Variants in CADPS2 observed in about 807,000 individuals in gnomAD.
CADPS2 encodes calcium-dependent secretion activator 2.
CADPS2 carries 93 observed loss-of-function variants against 172.5 expected under a neutral mutation model. The ratio of observed to expected loss-of-function variants is 0.54; its 90% confidence interval spans 0.46 to 0.64. The LOEUF is 0.64. Among genes scored for constraint, CADPS2 ranks in the 30% least tolerant of loss-of-function variants. CADPS2 has a pLI of 0.00. For missense variants in CADPS2, 1,420 were observed against 1,565.9 expected, an observed-to-expected ratio of 0.91 and a Z score of 1.57; for synonymous variants, 546 against 555.2, an observed-to-expected ratio of 0.98 and a Z score of 0.23.
At chr7:122,882,092 G>T (rs2141775233) in intron 1 of CADPS2, among the ~76,000 whole-genome samples, 1 of 152,250 alleles carries the variant, frequency 6.6e-6, no homozygotes, top group Middle Eastern at 3.4e-3. Flanking sequence ...ACATTCAAAT[G>T]AGCGAGTTGG....
At chr7:122,404,054 CAT>C (rs2046305830) in intron 20 of CADPS2, among the ~76,000 whole-genome samples, 1 of 151,956 alleles carries the variant, frequency 6.6e-6, no homozygotes, top group African/African-American at 2.4e-5. Context: ...AGGTTAGTAA[CAT>C]ATGTATACAC....
At chr7:122,349,860 T>C (rs896128382) in intron 27 of CADPS2, among the ~76,000 whole-genome samples, 1 of 152,216 alleles carries the variant, frequency 6.6e-6, no homozygotes, top group African/African-American at 2.4e-5. Flanking sequence ...CATGGGTAGA[T>C]GGGTGCAACA....
In CADPS2 at chr7:122,319,512, G is replaced by C. The variant is rs1401502827; in HGVS notation, c.*653C>G. 1 of 152,158 alleles carries C rather than the reference G, an allele frequency of 6.6e-6. No individual in the cohort carries two copies. The highest frequency in any genetic ancestry group is 2.4e-5 in the African/African-American group (1 of 41,422). 9.4% of individuals were successfully genotyped at this position (152,158 alleles called of 1,614,324 possible). ...ACCTGGGGATTACTTATAGTTGAAA[G>C]AAGAAATGTTGAGAATGGAACAAAG... On this transcript the variant is annotated 3_prime_UTR_variant, in exon 30 of 30. Coordinates refer to ENST00000449022, the MANE Select transcript of CADPS2 (RefSeq NM_017954.11).
At chr7:122,663,687 C>A in intron 2 of CADPS2, 118 bp from the exon 3 acceptor site, 1 of 718,544 alleles carries the variant, frequency 1.4e-6, no homozygotes, top group East Asian at 2.7e-5. Context: ...GCCAAATACT[C>A]CACAATGATT....
intron 17 of CADPS2, among the ~76,000 whole-genome samples, chr7:122,421,826 A>G (rs2048561479): frequency 6.6e-6 from 1 of 152,222 alleles, no homozygotes; most frequent in South Asian, 2.1e-4. Flanking sequence ...TGCATCAATA[A>G]GAAGGCTTTA....
chr7:122,342,094 TA>T (rs1176475725), intron 28 of CADPS2, among the ~76,000 whole-genome samples: 2 of 152,170 alleles, frequency 1.3e-5, no homozygotes, highest in African/African-American at 4.8e-5. Context: ...AGATTTGATG[TA>T]AAAAAATTAA....
At chr7:122,484,324 G>A (rs960624300) in intron 11 of CADPS2, among the ~76,000 whole-genome samples, 1 of 152,072 alleles carries the variant, frequency 6.6e-6, no homozygotes, top group Non-Finnish European at 1.5e-5. Flanking sequence ...TAGATAAACT[G>A]ACCAAAGAAA....
intron 9 of CADPS2, among the ~76,000 whole-genome samples, chr7:122,494,427 T>G (rs1056750549): frequency 3.3e-5 from 5 of 152,086 alleles, no homozygotes; most frequent in Non-Finnish European, 7.4e-5. Context: ...CTATGAGACA[T>G]TAAAAGAGAC....
At chr7:122,515,937 GGA>G (rs1491472920) in intron 8 of CADPS2, among the ~76,000 whole-genome samples, 2 of 144,284 alleles carry the variant, frequency 1.4e-5, no homozygotes, top group African/African-American at 5.8e-5. Flanking sequence ...AAATATATTT[GGA>G]AAAAAAACAT....
At chr7:122,635,529 G>A (rs1211271496) in intron 3 of CADPS2, among the ~76,000 whole-genome samples, 3 of 151,348 alleles carry the variant, frequency 2.0e-5, no homozygotes, top group Non-Finnish European at 4.4e-5. Context: ...AATATGTGGT[G>A]TTTGGTTTTT....
chr7:122,546,665 G>C (rs534900883), intron 8 of CADPS2, among the ~76,000 whole-genome samples: 11 of 152,216 alleles, frequency 7.2e-5, no homozygotes, highest in African/African-American at 2.4e-4. Context: ...ATGCTTTCTG[G>C]TTTATGTAAC....
At chr7:122,493,716 T>G (rs2058499266) in intron 9 of CADPS2, among the ~76,000 whole-genome samples, 1 of 125,980 alleles carries the variant, frequency 7.9e-6, no homozygotes, top group Admixed American at 8.3e-5. Context: ...TGGTTATGTT[T>G]AATCTTTTTT....
At chr7:122,871,219 C>T (rs1328985659) in intron 1 of CADPS2, among the ~76,000 whole-genome samples, 1 of 151,714 alleles carries the variant, frequency 6.6e-6, no homozygotes, top group Non-Finnish European at 1.5e-5. Flanking sequence ...TTTCATCCCA[C>T]TTTTTGACTT....
chr7:122,878,021 G>T (rs1821692277), intron 1 of CADPS2, among the ~76,000 whole-genome samples: 1 of 43,396 alleles, frequency 2.3e-5, no homozygotes, highest in Admixed American at 1.5e-4. Flanking sequence ...CACTTTGGGA[G>T]GCCGAGGCGG....
chr7:122,866,424 G>A (rs1818339776), intron 1 of CADPS2, among the ~76,000 whole-genome samples: 1 of 152,104 alleles, frequency 6.6e-6, no homozygotes, highest in African/African-American at 2.4e-5. Context: ...TGGTGGCCGG[G>A]TGCAGTGGCT....
intron 25 of CADPS2, among the ~76,000 whole-genome samples, chr7:122,371,646 C>G (rs2041776794): frequency 6.7e-6 from 1 of 150,194 alleles, no homozygotes; most frequent in African/African-American, 2.5e-5. Flanking sequence ...TGGTGGAGAT[C>G]AGTAAGGCAA....
chr7:122,726,124 T>C (rs1323083555), intron 2 of CADPS2, among the ~76,000 whole-genome samples: 2 of 151,744 alleles, frequency 1.3e-5, no homozygotes, highest in Non-Finnish European at 2.9e-5. Flanking sequence ...CTTTTCCCAA[T>C]GATCTTATGA....
chr7:122,358,556 T>C (rs2039721318), intron 27 of CADPS2, among the ~76,000 whole-genome samples: 2 of 152,146 alleles, frequency 1.3e-5, no homozygotes, highest in South Asian at 4.1e-4. Context: ...TTTTATCTTA[T>C]ATTTTCTTCT....
chr7:122,728,936 A>T (rs1392573986), intron 2 of CADPS2, among the ~76,000 whole-genome samples: 1 of 151,778 alleles, frequency 6.6e-6, no homozygotes, highest in African/African-American at 2.4e-5. Context: ...ATTGTTAACT[A>T]TAGGCACCCT....
Sources: gnomAD v4.1 joint callset for allele counts (sites outside exome capture counted in the v4.1 genomes callset) on GRCh38, gnomAD v4.1.1 for gene constraint, MANE v1.5 for transcripts, NCBI Gene and HGNC (gene_info 2026-07-23, HGNC 2026-07-21) for gene names.